The following ENPP3 variants were observed in gnomAD, a reference collection of about 807,000 sequenced individuals.
The protein encoded by ENPP3 is ectonucleotide pyrophosphatase/phosphodiesterase family member 3.
In ENPP3, 104 loss-of-function variants were observed where a neutral mutation model predicts 117.8. The ratio of observed to expected loss-of-function variants is 0.88; its 90% CI spans 0.75 to 1.04. The LOEUF is 1.04. ENPP3 is among the 50% of genes least tolerant of loss of function. The pLI is 0.00. For synonymous variants in ENPP3, 380 were observed against 349.9 expected (o/e 1.09, Z -0.96); for missense variants, 1,026 against 1,051.9 (o/e 0.98, Z 0.34).
At chr6:131,690,736 A>G (rs1406956587) in intron 14 of ENPP3, among the ~76,000 whole-genome samples, 2 of 152,016 alleles carry the variant, frequency 1.3e-5, no homozygotes, top group Non-Finnish European at 2.9e-5. Flanking sequence ...AATGCCCATT[A>G]GAGCAGAATT....
intron 20 of ENPP3, among the ~76,000 whole-genome samples, chr6:131,730,014 C>T (rs543937501): frequency 1.3e-5 from 2 of 152,246 alleles, no homozygotes; most frequent in South Asian, 4.1e-4. Context: ...TTAAAAATTA[C>T]AATAAACTTT....
At chr6:131,746,334 A>G (rs1780635031) in intron 24 of ENPP3, among the ~76,000 whole-genome samples, 1 of 152,174 alleles carries the variant, frequency 6.6e-6, no homozygotes, top group Admixed American at 6.5e-5. Context: ...TATAGATTAC[A>G]AACGTTAATA....
chr6:131,664,524 C>A (rs1338546886), intron 6 of ENPP3, among the ~76,000 whole-genome samples: 1 of 152,014 alleles, frequency 6.6e-6, no homozygotes, highest in African/African-American at 2.4e-5. Flanking sequence ...TTTAGTGTAT[C>A]CTAAGTGTAC....
intron 14 of ENPP3, among the ~76,000 whole-genome samples, chr6:131,692,744 G>GATATATGATATATGGTT (rs1391511910): frequency 2.8e-5 from 4 of 143,704 alleles, no homozygotes; most frequent in Non-Finnish European, 4.5e-5. Flanking sequence ...TATTATATAT[G>GATATATGATATATGGTT]ATATATGATA....
chr6:131,706,052 G>C (rs1779633328), intron 15 of ENPP3, among the ~76,000 whole-genome samples: 1 of 129,570 alleles, frequency 7.7e-6, no homozygotes, highest in African/African-American at 3.7e-5. Context: ...TTTTGGAGGT[G>C]GAGTCTTGTT....
At chr6:131,653,312 C>CTT (rs57202650) in intron 5 of ENPP3, among the ~76,000 whole-genome samples, 15 of 133,760 alleles carry the variant, frequency 1.1e-4, no homozygotes, top group South Asian at 4.7e-4. Context: ...ATTTTTCTCT[C>CTT]TTTTTTTTTT....
At chr6:131,717,349 G>GT (rs1554267239) in intron 15 of ENPP3, among the ~76,000 whole-genome samples, 18 of 127,014 alleles carry the variant, frequency 1.4e-4, no homozygotes, top group African/African-American at 5.5e-4. Context: ...AACCCTGCGG[G>GT]GGGTGTGTGT....
intron 15 of ENPP3, among the ~76,000 whole-genome samples, chr6:131,713,331 T>G: frequency 6.6e-6 from 1 of 151,448 alleles, no homozygotes; most frequent in Non-Finnish European, 1.5e-5. Context: ...CCAAGAATTT[T>G]TTTCTATATT....
chr6:131,733,837 T>G, intron 21 of ENPP3, 114 bp downstream of exon 21: 2 of 1,085,882 alleles, frequency 1.8e-6, no homozygotes, highest in Non-Finnish European at 2.7e-6. Flanking sequence ...GTAAGCTAGC[T>G]GCCTGAGAGG....
chr6:131,647,449 A>G (rs750439227), intron 2 of ENPP3, among the ~76,000 whole-genome samples: 2 of 152,154 alleles, frequency 1.3e-5, no homozygotes, highest in South Asian at 4.1e-4. Context: ...AGATCTTTGT[A>G]TGTTTCTTTA....
chr6:131,724,232 A>AAAAAAAAAAAAAAAAC lies in ENPP3; in HGVS notation c.1798+148_1798+149insAAAAAAAACAAAAAAA, dbSNP rs1404351566. ...ATTGCCAATATACAAAAGGTAAAAA[A>AAAAAAAAAAAAAAAAC]AAAAAAACTCACAACAGATATAATG... On this transcript the variant is annotated intron_variant, in intron 19 of 24. Transcript: ENST00000357639. 1.6e-3 allele frequency: 946 copies of AAAAAAAAAAAAAAAAC among 608,786 alleles called. 6 individuals are homozygous for AAAAAAAAAAAAAAAAC. The African/African-American group carries it at 0.016, about 10-fold the overall frequency. 37.7% of individuals were successfully genotyped at this position (608,786 alleles called of 1,614,324 possible). A position where few individuals can be genotyped will look rare whatever the true frequency, so the allele number is the denominator to read the frequency against.
chr6:131,662,620 AT>A (rs1778527127), intron 6 of ENPP3, among the ~76,000 whole-genome samples: 2 of 152,264 alleles, frequency 1.3e-5, no homozygotes, highest in South Asian at 4.2e-4. Flanking sequence ...TTTTTAATAT[AT>A]TTTGAAATCA....
Position 131,722,238 on chromosome 6 carries a change from A to G in ENPP3, c.1579A>G (p.Ile527Val). The G allele has an allele frequency of 6.2e-7, 1 of 1,612,492 alleles. No homozygotes were observed. ...TTTTCAAAAAACAGATCTTCTACGCATTCAACCAGCACCAAACAATGGAAC... is the reference window on the plus strand; with the variant it reads ...TTTTCAAAAAACAGATCTTCTACGCGTTCAACCAGCACCAAACAATGGAAC... ...VYNLMCDLLR[I>V]QPAPNNGTHG... Residue 527 changes from isoleucine to valine, a missense_variant, in exon 18 of 25, where the codon ATT (isoleucine) becomes GTT (valine). By Grantham distance (29) the Ile-to-Val change is conservative. Transcript: ENST00000357639.
chr6:131,736,528 A>G (rs1229543610), intron 21 of ENPP3, among the ~76,000 whole-genome samples: 3 of 152,084 alleles, frequency 2.0e-5, no homozygotes, highest in Non-Finnish European at 4.4e-5. Context: ...CCATGATTCA[A>G]TTACCTCCCA....
intron 24 of ENPP3, 152 bp downstream of exon 24, chr6:131,740,532 G>A (rs1343071984): frequency 4.0e-6 from 2 of 505,816 alleles, no homozygotes; most frequent in South Asian, 4.4e-5. Flanking sequence ...CTTTTCCTTA[G>A]GCTATTGATC....
chr6:131,664,895 T>C (rs1024564321), intron 6 of ENPP3, among the ~76,000 whole-genome samples: 2 of 152,176 alleles, frequency 1.3e-5, no homozygotes, highest in Non-Finnish European at 2.9e-5. Context: ...TCTAGGAATG[T>C]ATCCCTGTCT....
chr6:131,653,603 A>T (rs951528684), intron 5 of ENPP3, among the ~76,000 whole-genome samples: 1 of 151,990 alleles, frequency 6.6e-6, no homozygotes, highest in African/African-American at 2.4e-5. Context: ...TTAAATAAAG[A>T]TAGGGTCTCG....
At chr6:131,729,182 G>T (rs1400543439) in intron 20 of ENPP3, among the ~76,000 whole-genome samples, 1 of 152,110 alleles carries the variant, frequency 6.6e-6, no homozygotes, top group African/African-American at 2.4e-5. Flanking sequence ...TATTTTGTGA[G>T]TCTTTGAAAC....
chr6:131,638,920 T>G (rs1434962506), intron 1 of ENPP3, among the ~76,000 whole-genome samples: 1 of 152,022 alleles, frequency 6.6e-6, no homozygotes, highest in East Asian at 1.9e-4. Context: ...TTCAGCCTCT[T>G]GAGTAGCTGG....
Sources: allele counts gnomAD v4.1 joint callset (sites outside exome capture counted in the v4.1 genomes callset), GRCh38; gene constraint gnomAD v4.1.1; transcripts MANE v1.5; gene names NCBI Gene and HGNC (gene_info 2026-07-23, HGNC 2026-07-21).